Variants in KIF15 observed in about 807,000 individuals in gnomAD.
KIF15 encodes the protein kinesin-like protein KIF15.
In KIF15, 140 loss-of-function variants were observed where a neutral mutation model predicts 190.6. That is an observed-to-expected ratio of 0.73 (90% CI 0.64 to 0.84). The LOEUF (loss-of-function observed/expected upper bound fraction) is 0.84, where lower values mean the gene tolerates loss of function less well. KIF15 is among the 40% of genes least tolerant of loss of function. The pLI is 0.00. For missense variants in KIF15, 1,372 were observed against 1,584.4 expected (o/e 0.87, Z 2.28); for synonymous variants, 528 against 551.3 (o/e 0.96, Z 0.59).
At chr3:44,822,074 G>A (rs1455314590) in intron 20 of KIF15, among the ~76,000 whole-genome samples, 4 of 152,206 alleles carry the variant, frequency 2.6e-5, no homozygotes, top group Non-Finnish European at 2.9e-5. Flanking sequence ...GATGTCAGCA[G>A]TACCGATGCA....
At chr3:44,787,052 T>G (rs1003468642) in intron 7 of KIF15, among the ~76,000 whole-genome samples, 2 of 152,202 alleles carry the variant, frequency 1.3e-5, no homozygotes, top group Middle Eastern at 3.2e-3. Context: ...GATTTGAAAG[T>G]TTTTTATTAT....
At chr3:44,799,182 G>A (rs539832734) in intron 10 of KIF15, 4 of 450,208 alleles carry the variant, frequency 8.9e-6, no homozygotes, top group South Asian at 6.3e-5. Flanking sequence ...TGTCAGAAGT[G>A]CAGTAGTACC....
At chr3:44,861,898 G>A in intron 6 of KIF15, 1 of 1,487,836 alleles carries the variant, frequency 6.7e-7, no homozygotes, top group South Asian at 1.2e-5. Flanking sequence ...CGGGCAGCGG[G>A]TGCCAGGCAC....
chr3:44,776,732 T>G (rs1161650353), intron 3 of KIF15, among the ~76,000 whole-genome samples: 2 of 152,198 alleles, frequency 1.3e-5, no homozygotes, highest in African/African-American at 4.8e-5. Context: ...CCAATGGAAC[T>G]TTCTGCAGTG....
At chr3:44,857,821 G>A (rs942953572), downstream of KIF15, among the ~76,000 whole-genome samples, 1 of 152,196 alleles carries the variant, frequency 6.6e-6, no homozygotes, top group Non-Finnish European at 1.5e-5. Flanking sequence ...TTATGCCGAG[G>A]TAGGTAACGG....
chr3:44,848,483 A>T, intron 31 of KIF15, 38 bp from the exon 32 acceptor site: 2 of 902,162 alleles, frequency 2.2e-6, no homozygotes, highest in Non-Finnish European at 3.4e-6. Flanking sequence ...TAAGAACCTA[A>T]GCAATCTTTT....
At chr3:44,867,073 T>C (rs767441881) in intron 6 of KIF15, among the ~76,000 whole-genome samples, 8 of 152,180 alleles carry the variant, frequency 5.3e-5, no homozygotes, top group Non-Finnish European at 8.8e-5. Context: ...GGAGTTACTC[T>C]TGTTCCTGTA....
intron 6 of KIF15, chr3:44,863,432 AGAAAG>A (rs1296635716): frequency 6.6e-6 from 1 of 151,892 alleles, no homozygotes; most frequent in Non-Finnish European, 1.5e-5. Context: ...TTAAAAAAAA[AGAAAG>A]AAAATACCTG....
chr3:44,847,168 G>A (rs767406512), intron 30 of KIF15, among the ~76,000 whole-genome samples: 1 of 152,178 alleles, frequency 6.6e-6, no homozygotes, highest in Admixed American at 6.5e-5. Flanking sequence ...TGTCTGGGCT[G>A]CCAGATTTGT....
intron 3 of KIF15, 21 bp from the exon 4 acceptor site, chr3:44,778,094 C>T: frequency 6.3e-7 from 1 of 1,596,958 alleles, no homozygotes; most frequent in Non-Finnish European, 8.6e-7. Context: ...GATATGTTAA[C>T]ATGTTTGGTT....
intron 6 of KIF15, chr3:44,861,920 G>A (rs963563241): frequency 1.0e-5 from 15 of 1,459,062 alleles, no homozygotes; most frequent in Non-Finnish European, 1.4e-5. Flanking sequence ...GTGTCAGCAG[G>A]CAACATGGCC....
intron 5 of KIF15, 28 bp from the exon 6 acceptor site, chr3:44,784,817 T>C: frequency 1.7e-6 from 2 of 1,156,056 alleles, no homozygotes; most frequent in Non-Finnish European, 2.5e-6. Context: ...AGAATAAAAA[T>C]CCAGTGTTTT....
At chr3:44,836,377 T>A (rs900327049) in intron 26 of KIF15, among the ~76,000 whole-genome samples, 3 of 151,600 alleles carry the variant, frequency 2.0e-5, no homozygotes, top group African/African-American at 7.3e-5. Flanking sequence ...AATAAATAAT[T>A]TTTTTTTAAG....
At chr3:44,773,106 T>C (rs1705710321) in intron 1 of KIF15, among the ~76,000 whole-genome samples, 1 of 147,602 alleles carries the variant, frequency 6.8e-6, no homozygotes, top group South Asian at 2.2e-4. Flanking sequence ...TAAACAGTGA[T>C]AGTTGGGGTC....
intron 6 of KIF15, among the ~76,000 whole-genome samples, chr3:44,868,301 T>C (rs1400062260): frequency 6.6e-6 from 1 of 152,244 alleles, no homozygotes; most frequent in Non-Finnish European, 1.5e-5. Flanking sequence ...TTCATTCCTT[T>C]TTATGACTGA....
At chr3:44,813,634 T>TG (rs1410265223) in intron 19 of KIF15, among the ~76,000 whole-genome samples, 144 of 150,652 alleles carry the variant, frequency 9.6e-4, no homozygotes, top group African/African-American at 3.1e-3. Flanking sequence ...TGTTTTGTTT[T>TG]TTTTTTTTTT....
intron 1 of KIF15, among the ~76,000 whole-genome samples, chr3:44,765,187 T>G (rs1366009043): frequency 6.6e-6 from 1 of 152,208 alleles, no homozygotes; most frequent in Non-Finnish European, 1.5e-5. Context: ...TATTAACTTT[T>G]CTTCTTTTTT....
intron 20 of KIF15, among the ~76,000 whole-genome samples, chr3:44,824,605 T>A (rs185381056): frequency 6.6e-6 from 1 of 152,192 alleles, no homozygotes; most frequent in East Asian, 1.9e-4. Context: ...CTCAAACTAT[T>A]TTGTGTAATT....
rs772350460 is a variant in KIF15 at position 44,840,420 on chromosome 3, A to G, written c.3384A>G (p.Leu1128=). The change falls in exon 28 of 35, where the codon CTA becomes CTG. Residue 1128 remains leucine, a synonymous_variant. Transcript: ENST00000326047. ...AATATAACTTCAAAATGAGGCAACT[A>G]GAACATGTGATGGATTCTGCTGCTG... ...KNEYNFKMRQ[L]EHVMDSAAED... 2 of 1,609,992 alleles carry G rather than the reference A, an allele frequency of 1.2e-6. No individual in the cohort carries two copies. Among genetic ancestry groups the G allele is most frequent in the South Asian group, 2.2e-5 (2 of 90,186 alleles).
Sources: gnomAD v4.1 joint callset for allele counts (sites outside exome capture counted in the v4.1 genomes callset) on GRCh38, gnomAD v4.1.1 for gene constraint, MANE v1.5 for transcripts, NCBI Gene and HGNC (gene_info 2026-07-23, HGNC 2026-07-21) for gene names.